KCTD14: variants seen among roughly 807,000 people sequenced by gnomAD.
KCTD14 encodes the protein BTB/POZ domain-containing protein KCTD14.
In KCTD14, 7 loss-of-function variants were observed where a neutral mutation model predicts 5.9. The observed-to-expected ratio is 1.19, with a 90% confidence interval of 0.68 to 2.23. The LOEUF is 2.23. KCTD14 is among the 30% of genes most tolerant of loss of function. The pLI is 0.00. For synonymous variants in KCTD14, 140 were observed against 133.1 expected, an observed-to-expected ratio of 1.05 and a Z score of -0.36; for missense variants, 342 against 332.2, an observed-to-expected ratio of 1.03 and a Z score of -0.23.
At chr11:78,035,830 G>A (rs1316767735) in intron 2 of KCTD14, among the ~76,000 whole-genome samples, 2 of 111,676 alleles carry the variant, frequency 1.8e-5, no homozygotes, top group Non-Finnish European at 3.4e-5. Context: ...GGGCAACAGA[G>A]CGAGACTCCA....
chr11:78,030,862 G>A (rs1172906502), intron 2 of KCTD14, among the ~76,000 whole-genome samples: 1 of 151,990 alleles, frequency 6.6e-6, no homozygotes, highest in African/African-American at 2.4e-5. Context: ...GAGTCCTGCA[G>A]AGAAGGAGAC....
intron 1 of KCTD14, among the ~76,000 whole-genome samples, chr11:78,045,736 A>C (rs1251958460): frequency 6.6e-6 from 1 of 152,226 alleles, no homozygotes; most frequent in Non-Finnish European, 1.5e-5. Context: ...TTTCATAAGC[A>C]GCCCTGGGGG....
upstream of KCTD14, chr11:78,023,288 C>T (rs1472468491): frequency 6.3e-7 from 1 of 1,598,786 alleles, no homozygotes; most frequent in African/African-American, 1.3e-5. Flanking sequence ...CCTGGCTGCC[C>T]GCCCCTAGGT....
chr11:78,035,823 C>A (rs1591191826), intron 2 of KCTD14, among the ~76,000 whole-genome samples: 1 of 107,310 alleles, frequency 9.3e-6, no homozygotes, highest in South Asian at 3.1e-4. Context: ...CTAGCCTGGG[C>A]AACAGAGCGA....
intron 1 of KCTD14, among the ~76,000 whole-genome samples, chr11:78,018,170 C>T (rs1857221186): frequency 6.6e-6 from 1 of 152,150 alleles, no homozygotes; most frequent in South Asian, 2.1e-4. Context: ...AAGGAAGTCT[C>T]AGCAATGATA....
intron 2 of KCTD14, chr11:78,038,658 G>C: frequency 6.5e-7 from 1 of 1,535,680 alleles, no homozygotes; most frequent in Non-Finnish European, 8.7e-7. Context: ...GGGGTGACCT[G>C]CATACCTAAT....
chr11:78,036,603 C>T (rs968135326), intron 2 of KCTD14, among the ~76,000 whole-genome samples: 2 of 152,212 alleles, frequency 1.3e-5, no homozygotes, highest in African/African-American at 4.8e-5. Context: ...TTCCCAAATG[C>T]CTGGCTCATT....
At chr11:78,038,664 C>CTAA in exon 2 of KCTD14, 1 of 1,535,718 alleles carries the variant, frequency 6.5e-7, no homozygotes, top group Non-Finnish European at 8.7e-7. Context: ...ACCTGCATAC[C>CTAA]TAATGGGTGG....
upstream of KCTD14, among the ~76,000 whole-genome samples, chr11:78,025,118 G>GTATATATATATA (rs369374652): frequency 1.6e-4 from 7 of 44,468 alleles, no homozygotes; most frequent in African/African-American, 2.1e-4. Flanking sequence ...GTGTGTGTGT[G>GTATATATATATA]TATATATATA....
chr11:78,019,978 A>C (rs539825430), intron 1 of KCTD14, among the ~76,000 whole-genome samples: 1 of 152,328 alleles, frequency 6.6e-6, no homozygotes, highest in African/African-American at 2.4e-5. Flanking sequence ...CATTCATTCA[A>C]CAAAATGTAT....
chr11:78,023,536 A>T (rs1249397334), upstream of KCTD14: 2 of 395,518 alleles, frequency 5.1e-6, no homozygotes, highest in Non-Finnish European at 9.1e-6. Flanking sequence ...TTTTTCAGAG[A>T]CAGGGTCTCA....
At chr11:78,032,871 G>T (rs1857667501) in intron 2 of KCTD14, among the ~76,000 whole-genome samples, 1 of 151,896 alleles carries the variant, frequency 6.6e-6, no homozygotes, top group African/African-American at 2.4e-5. Flanking sequence ...TATAGAGCTG[G>T]GGGTCTCACT....
At chr11:78,033,199 TG>T (rs1455707206) in intron 2 of KCTD14, among the ~76,000 whole-genome samples, 1 of 152,228 alleles carries the variant, frequency 6.6e-6, no homozygotes, top group Non-Finnish European at 1.5e-5. Context: ...AGAGCACACA[TG>T]TGCAAAGACA....
chr11:78,041,667 C>T (rs927972829), intron 1 of KCTD14, among the ~76,000 whole-genome samples: 2 of 152,216 alleles, frequency 1.3e-5, no homozygotes, highest in Non-Finnish European at 2.9e-5. Flanking sequence ...TCTTCTGGTC[C>T]ATGTTTGTTA....
At chr11:78,042,368 C>T (rs1405281009) in intron 1 of KCTD14, among the ~76,000 whole-genome samples, 1 of 152,050 alleles carries the variant, frequency 6.6e-6, no homozygotes, top group Admixed American at 6.6e-5. Context: ...ATTAGCCAGG[C>T]GTGGTGGCGC....
At chr11:78,040,674 A>AT (rs990223019) in intron 1 of KCTD14, among the ~76,000 whole-genome samples, 61 of 42,044 alleles carry the variant, frequency 1.5e-3, no homozygotes, top group African/African-American at 3.6e-3. Flanking sequence ...TTATTTTATT[A>AT]TTTTTTTTTT....
chr11:78,022,995 A>G, intron 1 of KCTD14, 165 bp downstream of exon 1: 1 of 578,412 alleles, frequency 1.7e-6, no homozygotes, highest in South Asian at 2.1e-5. Context: ...AGGGACGGCA[A>G]AGATTGAAGA....
intron 2 of KCTD14, among the ~76,000 whole-genome samples, chr11:78,031,851 C>T (rs900045572): frequency 3.3e-5 from 5 of 152,186 alleles, no homozygotes; most frequent in African/African-American, 1.2e-4. Context: ...TCTGGTTTCA[C>T]AGTGTGACCA....
intron 1 of KCTD14, among the ~76,000 whole-genome samples, chr11:78,022,703 G>C (rs1425707734): frequency 6.6e-6 from 1 of 152,014 alleles, no homozygotes; most frequent in Non-Finnish European, 1.5e-5. Context: ...GCAGGGGCAG[G>C]CTGAAGACCC....
Sources: gnomAD v4.1 joint callset for allele counts (sites outside exome capture counted in the v4.1 genomes callset) on GRCh38, gnomAD v4.1.1 for gene constraint, MANE v1.5 for transcripts, NCBI Gene and HGNC (gene_info 2026-07-23, HGNC 2026-07-21) for gene names.